ZSWIM2: variants seen among roughly 807,000 people sequenced by gnomAD.
ZSWIM2 encodes E3 ubiquitin-protein ligase ZSWIM2.
Under a neutral mutation model 48.4 loss-of-function variants are expected in ZSWIM2, and 38 were observed. That is an observed-to-expected ratio of 0.79 (90% CI 0.61 to 1.03). The LOEUF is 1.03. ZSWIM2 is among the 50% of genes least tolerant of loss of function. The probability of loss-of-function intolerance (pLI) is 0.00; values close to 1 mark genes in which losing one functional copy is unlikely to be tolerated. For missense variants in ZSWIM2, 776 were observed against 730.2 expected (o/e 1.06, Z -0.72); for synonymous variants, 240 against 251.3 (o/e 0.96, Z 0.42).
At chr2:186,839,989 A>G (rs1691875068) in intron 3 of ZSWIM2, among the ~76,000 whole-genome samples, 2 of 151,626 alleles carry the variant, frequency 1.3e-5, no homozygotes, top group African/African-American at 4.8e-5. Context: ...TCTTTTTAAT[A>G]TATATGAATT....
At position 186,837,101 on chromosome 2, in the gene ZSWIM2, A is replaced by C. The variant is rs559093685; in HGVS notation, c.743+205T>G. ...GCTCAAACCAATACCCTTGAACAGG[A>C]GAAGAAAATAAAACGATTGGAGTTC... is the stretch of plus-strand genomic sequence containing the variant. On this transcript the variant is annotated intron_variant, in intron 5 of 8. Coordinates refer to ENST00000295131, the MANE Select transcript of ZSWIM2 (RefSeq NM_182521.3). Among the ~76,000 whole-genome samples the C allele has an allele frequency of 9.9e-5, 15 of 152,164 alleles. No individual in the cohort carries two copies. The East Asian group carries it at 2.9e-3, about 29-fold the overall frequency.
At chr2:186,845,559 T>A (rs1204373351) in intron 2 of ZSWIM2, among the ~76,000 whole-genome samples, 2 of 151,428 alleles carry the variant, frequency 1.3e-5, no homozygotes, top group Admixed American at 6.6e-5. Flanking sequence ...AATAATTATA[T>A]AACTTTTTTA....
At chr2:186,844,253 C>T (rs1459399349) in intron 3 of ZSWIM2, among the ~76,000 whole-genome samples, 1 of 151,516 alleles carries the variant, frequency 6.6e-6, no homozygotes, top group Non-Finnish European at 1.5e-5. Context: ...TTTAAGTACT[C>T]ACTTAAAAAC....
At chr2:186,836,820 A>G (rs1005372997) in intron 5 of ZSWIM2, among the ~76,000 whole-genome samples, 2 of 152,132 alleles carry the variant, frequency 1.3e-5, no homozygotes. Context: ...TAAGATATGA[A>G]ATAAAACAAA....
In ZSWIM2 at chr2:186,828,549, T is replaced by G. The variant is rs199694793; in HGVS notation, c.1337A>C (p.Gln446Pro). The G allele has an allele frequency of 6.2e-7, 1 of 1,613,342 alleles. No individual in the cohort carries two copies. The highest frequency in any genetic ancestry group is 2.2e-5 in the East Asian group (1 of 44,816). The change falls in exon 9 of 9, where the codon CAG becomes CCG. Residue 446 changes from glutamine to proline, a missense_variant. Transcript: ENST00000295131. ...NRLGILPSIP[Q>P]CNFDELNTPQ... ...TGTATTCAATTCATCAAAATTACAC[T>G]GAGGTATGCTAGGTAAAATTCCAAG...
chr2:186,830,924 T>C (rs1691687732), intron 7 of ZSWIM2, among the ~76,000 whole-genome samples: 1 of 152,192 alleles, frequency 6.6e-6, no homozygotes, highest in African/African-American at 2.4e-5. Flanking sequence ...GAAAAGTTTG[T>C]ACTTCTCATT....
At position 186,846,230 on chromosome 2, in the gene ZSWIM2, G is replaced by A. The variant is rs141140479; in HGVS notation, c.243-1473C>T. On this transcript the variant is annotated intron_variant, in intron 2 of 8. Transcript: ENST00000295131. ...ATGTTAAGAAATATTTGCAAACTAC[G>A]TATTTGACAAAGAGCTAACATCCTG... is the stretch of plus-strand genomic sequence containing the variant. Among the ~76,000 whole-genome samples, 543 of 151,838 alleles carry A rather than the reference G, an allele frequency of 3.6e-3. 2 individuals carry two copies. Among genetic ancestry groups the A allele is most frequent in the Middle Eastern group, 6.8e-3 (2 of 294 alleles).
At chr2:186,848,794 T>C (rs572544158) in intron 1 of ZSWIM2, 172 bp downstream of exon 1, 2 of 782,284 alleles carry the variant, frequency 2.6e-6, no homozygotes, top group South Asian at 1.8e-5. Context: ...TATTTCCTTC[T>C]GTAATTTCAC....
intron 1 of ZSWIM2, 100 bp downstream of exon 1, chr2:186,848,866 G>A (rs1559117754): frequency 1.3e-6 from 2 of 1,487,118 alleles, no homozygotes; most frequent in Non-Finnish European, 9.3e-7. Flanking sequence ...GCAAGTATCC[G>A]CAGAGATTGT....
chr2:186,831,343 G>GTGTA (rs56210605), intron 7 of ZSWIM2, among the ~76,000 whole-genome samples: 27,479 of 151,448 alleles, frequency 0.18, 3,795 homozygotes, highest in African/African-American at 0.39. Flanking sequence ...ACATATACAT[G>GTGTA]TGTATGTATA....
Position 186,840,906 on chromosome 2 carries a change from G to A in ZSWIM2, c.284-1737C>T, listed in dbSNP as rs182735254. Among the ~76,000 whole-genome samples, 777 of 151,458 alleles carry A rather than the reference G, an allele frequency of 5.1e-3. 3 individuals are homozygous for A. The highest frequency in any genetic ancestry group is 0.018 in the African/African-American group (730 of 41,480). ...AAAAAGTAATGCTTATAATAATTAA[G>A]AAATGTTTGCAGTTTTATCCTAATA... On this transcript the variant is annotated intron_variant, in intron 3 of 8. Coordinates refer to ENST00000295131, the MANE Select transcript of ZSWIM2 (RefSeq NM_182521.3).
At chr2:186,838,742 ATAT>A (rs576352242) in intron 4 of ZSWIM2, among the ~76,000 whole-genome samples, 8 of 146,754 alleles carry the variant, frequency 5.5e-5, no homozygotes, top group Non-Finnish European at 1.0e-4. Flanking sequence ...TATATTATAG[ATAT>A]TATATTTATA....
At chr2:186,845,441 G>C (rs920246522) in intron 2 of ZSWIM2, among the ~76,000 whole-genome samples, 1 of 150,922 alleles carries the variant, frequency 6.6e-6, no homozygotes, top group Non-Finnish European at 1.5e-5. Context: ...AGTTGTGAAA[G>C]GACCATATTT....
intron 8 of ZSWIM2, 133 bp from the exon 9 acceptor site, chr2:186,828,923 T>C (rs1040416287): frequency 1.8e-6 from 1 of 570,760 alleles, no homozygotes; most frequent in Admixed American, 3.8e-5. Flanking sequence ...ATTTATCAAG[T>C]TTTATGAAAA....
chr2:186,844,712 C>A lies in ZSWIM2; in HGVS notation c.283+5G>T, dbSNP rs201967065. The A allele has an allele frequency of 1.3e-6, 2 of 1,552,068 alleles. No homozygotes were observed. The highest frequency in any genetic ancestry group is 1.7e-6 in the Non-Finnish European group (2 of 1,156,576). ...AACACAAAAAACCCAAACCCCAAAA[C>A]TTACATTCATGGTTCCTTGGAAGCT... On this transcript the variant is annotated splice_donor_5th_base_variant and intron_variant, in intron 3 of 8. Coordinates refer to ENST00000295131, the MANE Select transcript of ZSWIM2 (RefSeq NM_182521.3).
intron 5 of ZSWIM2, among the ~76,000 whole-genome samples, chr2:186,834,295 G>C (rs1213575542): frequency 6.6e-6 from 1 of 152,114 alleles, no homozygotes; most frequent in Non-Finnish European, 1.5e-5. Context: ...GGGGTTGGCA[G>C]GGCTGTGTTA....
intron 6 of ZSWIM2, among the ~76,000 whole-genome samples, 195 bp from the exon 7 acceptor site, chr2:186,833,427 A>G (rs914457380): frequency 6.6e-6 from 1 of 152,146 alleles, no homozygotes; most frequent in African/African-American, 2.4e-5. Flanking sequence ...TAATGGCATT[A>G]CTTTTTAAGG....
chr2:186,834,381 C>T (rs777572457), intron 5 of ZSWIM2, among the ~76,000 whole-genome samples: 2 of 152,086 alleles, frequency 1.3e-5, no homozygotes, highest in Non-Finnish European at 2.9e-5. Context: ...CAACCCCAGG[C>T]GCTGACCTGG....
chr2:186,828,037 C>T lies in ZSWIM2; in HGVS notation c.1849G>A (p.Val617Ile). ...HLSRQPVSHS[V>I]NTKSTELSLI... ...GATAGCTCAGTACTTTTTGTATTTA[C>T]AGAGTGAGACACAGGCTGTCTTGAT... Residue 617 changes from valine to isoleucine, a missense_variant, in exon 9 of 9, where the codon GTA (valine) becomes ATA (isoleucine). Coordinates refer to ENST00000295131, the MANE Select transcript of ZSWIM2 (RefSeq NM_182521.3). 6.2e-7 allele frequency: 1 copy of T among 1,610,848 alleles called. No individual in the cohort carries two copies. The highest frequency in any genetic ancestry group is 8.5e-7 in the Non-Finnish European group (1 of 1,178,888).
Sources: gnomAD v4.1 joint callset for allele counts (sites outside exome capture counted in the v4.1 genomes callset) on GRCh38, gnomAD v4.1.1 for gene constraint, MANE v1.5 for transcripts, NCBI Gene and HGNC (gene_info 2026-07-23, HGNC 2026-07-21) for gene names.